Variants in KCNQ1 observed in about 807,000 individuals in gnomAD.
The protein encoded by KCNQ1 is potassium voltage-gated channel subfamily KQT member 1.
A neutral mutation model predicts 72.4 loss-of-function variants in KCNQ1; 49 were observed. The observed-to-expected ratio is 0.68, with a 90% CI of 0.54 to 0.86. KCNQ1 has a LOEUF of 0.86. Ranked by LOEUF, KCNQ1 falls within the 40% of genes least tolerant of loss-of-function variation. KCNQ1 has a pLI of 0.00. For missense variants in KCNQ1, 790 were observed against 945.1 expected (o/e 0.84, Z 2.15); for synonymous variants, 450 against 412.6 (o/e 1.09, Z -1.10).
rs1448035547 is a variant in KCNQ1 at position 2,538,381 on chromosome 11, C to T, written c.477+10363C>T. Among the ~76,000 whole-genome samples, 1 of 151,924 alleles carries T rather than the reference C, an allele frequency of 6.6e-6. No individual in the cohort carries two copies. The highest frequency in any genetic ancestry group is 6.5e-5 in the Admixed American group (1 of 15,278). On this transcript the variant is annotated intron_variant, in intron 2 of 15. Coordinates refer to ENST00000155840, the MANE Select transcript of KCNQ1 (RefSeq NM_000218.3). The surrounding 1 kb of genome is among the most constrained non-coding windows in gnomAD (Gnocchi z 6.7). The stretch of plus-strand genomic sequence containing the variant: ...TTGTGTGGACGAGTTGGAGGGCTCA[C>T]AGGCCCCTCTGTGGGGCCCAGGGCA...
rs1849063837 is a variant in KCNQ1 at position 2,616,342 on chromosome 11, C to A, written c.1393+27488C>A. On this transcript the variant is annotated intron_variant, in intron 10 of 15. Transcript: ENST00000155840. Reference sequence around the variant, plus strand: ...CTTTGATCTTTTCAAAAACAAGCAACTTTTGGTTTTGTTAAATTATCTCTG... The same window carrying A: ...CTTTGATCTTTTCAAAAACAAGCAAATTTTGGTTTTGTTAAATTATCTCTG... 5 of 397,514 alleles carry A rather than the reference C, an allele frequency of 1.3e-5. No individual in the cohort carries two copies. The South Asian group carries it at 6.4e-4, about 51-fold the overall frequency. The allele number at this position is 397,514 out of a possible 1,614,324, so 24.6% of individuals were successfully genotyped here.
intron 1 of KCNQ1, among the ~76,000 whole-genome samples, chr11:2,514,300 G>C (rs1286411483): frequency 6.6e-6 from 1 of 152,234 alleles, no homozygotes; most frequent in Non-Finnish European, 1.5e-5. Context: ...GGTGCCTGTG[G>C]TCCCAGATCC....
chr11:2,684,430 T>C (rs1246675120), intron 11 of KCNQ1: 3 of 398,550 alleles, frequency 7.5e-6, no homozygotes, highest in African/African-American at 2.1e-5. Flanking sequence ...ACCACCTCTT[T>C]CATTTGAAAA....
intron 11 of KCNQ1, among the ~76,000 whole-genome samples, chr11:2,719,816 G>A (rs915859451): frequency 1.3e-5 from 2 of 152,226 alleles, no homozygotes; most frequent in African/African-American, 4.8e-5. Flanking sequence ...GCTGGTTTCA[G>A]AGAAACAAAC....
chr11:2,705,676 G>A (rs1038872743), intron 11 of KCNQ1, among the ~76,000 whole-genome samples: 1 of 152,238 alleles, frequency 6.6e-6, no homozygotes, highest in Non-Finnish European at 1.5e-5. Context: ...CCAGGGAAAA[G>A]TGGGCCCAGG....
rs1379962726 is a variant in KCNQ1 at position 2,593,499 on chromosome 11, T to C, written c.1393+4645T>C. Among the ~76,000 whole-genome samples, 2 of 152,154 alleles carry C rather than the reference T, an allele frequency of 1.3e-5. No individual in the cohort carries two copies. The highest frequency in any genetic ancestry group is 4.8e-5 in the African/African-American group (2 of 41,438). On this transcript the variant is annotated intron_variant, in intron 10 of 15. Transcript: ENST00000155840. This position sits in a 1 kb window ranked among gnomAD's most constrained non-coding sequence, Gnocchi z 6.9. ...ATTCTGAAGGGCTTCTGGGGAGGCG[T>C]CTTCAAAGCTGTGCCTGTGTGTGTC...
At chr11:2,586,197 C>T (rs1179651179) in intron 8 of KCNQ1, among the ~76,000 whole-genome samples, 1 of 152,182 alleles carries the variant, frequency 6.6e-6, no homozygotes, top group African/African-American at 2.4e-5. Context: ...CTGATGTCCC[C>T]CAGGAAGGCC....
chr11:2,740,531 G>A (rs926790224), intron 11 of KCNQ1, among the ~76,000 whole-genome samples: 3 of 152,196 alleles, frequency 2.0e-5, no homozygotes, highest in Non-Finnish European at 4.4e-5. Context: ...AATGTGAGCG[G>A]GTGGACCCAG....
intron 10 of KCNQ1, chr11:2,660,924 G>T (rs1849945059): frequency 7.5e-6 from 3 of 398,626 alleles, no homozygotes; most frequent in Non-Finnish European, 1.3e-5. Flanking sequence ...ATAAGAGCCT[G>T]AATGTCCATG....
chr11:2,461,469 TG>T, intron 1 of KCNQ1: 1 of 1,289,970 alleles, frequency 7.8e-7, no homozygotes, highest in South Asian at 1.2e-5. Flanking sequence ...TTCCATGGCC[TG>T]GGGCTGTGAG....
intron 11 of KCNQ1, among the ~76,000 whole-genome samples, chr11:2,702,756 C>T (rs940019076): frequency 1.3e-5 from 2 of 152,160 alleles, no homozygotes; most frequent in Admixed American, 1.3e-4. Context: ...TGTGTGAGGT[C>T]TCCTTGAGTA....
chr11:2,651,691 G>A lies in KCNQ1; in HGVS notation c.1394-10270G>A, dbSNP rs1849758805. 2.5e-6 allele frequency: 1 copy of A among 398,484 alleles called. No individual in the cohort carries two copies. The highest frequency in any genetic ancestry group is 1.3e-4 in the South Asian group (1 of 7,864). The allele number at this position is 398,484 out of a possible 1,614,324, so 24.7% of individuals were successfully genotyped here. A position where few individuals can be genotyped will look rare whatever the true frequency, so the allele number is the denominator to read the frequency against. On this transcript the variant is annotated intron_variant, in intron 10 of 15. Transcript: ENST00000155840. The surrounding 1 kb of genome is among the most constrained non-coding windows in gnomAD (Gnocchi z 6.1). ...TTAGCCACGTGGCCCTCTGTTTCCTGTAATAGGCCATTTCCTAAGTAAGCA... is the reference window on the plus strand; with the variant it reads ...TTAGCCACGTGGCCCTCTGTTTCCTATAATAGGCCATTTCCTAAGTAAGCA...
At chr11:2,771,513 G>A (rs958905719) in intron 12 of KCNQ1, 1 of 152,250 alleles carries the variant, frequency 6.6e-6, no homozygotes, top group African/African-American at 2.4e-5. Flanking sequence ...GATTTCTACA[G>A]ATATTATGAT....
chr11:2,607,948 CTG>C (rs1848907881), intron 10 of KCNQ1, among the ~76,000 whole-genome samples: 1 of 152,196 alleles, frequency 6.6e-6, no homozygotes, highest in African/African-American at 2.4e-5. Flanking sequence ...TTCCTATACA[CTG>C]TCAAAAACAA....
chr11:2,579,098 G>A lies in KCNQ1; in HGVS notation c.922-4337G>A, dbSNP rs541818749. 2.0e-5 allele frequency among the ~76,000 whole-genome samples: 3 copies of A among 152,276 alleles called. No homozygotes were observed. The highest frequency in any genetic ancestry group is 2.1e-4 in the South Asian group (1 of 4,826). ...TTCCTTCTGGGCAAATGACTACCACGTTTCCAGCCGGGGCCAGTGAGCTCT... is the reference window on the plus strand; with the variant it reads ...TTCCTTCTGGGCAAATGACTACCACATTTCCAGCCGGGGCCAGTGAGCTCT... On this transcript the variant is annotated intron_variant, in intron 6 of 15. Transcript: ENST00000155840. This position sits in a 1 kb window ranked among gnomAD's most constrained non-coding sequence, Gnocchi z 6.0.
intron 2 of KCNQ1, among the ~76,000 whole-genome samples, chr11:2,539,518 G>A (rs915341826): frequency 1.3e-5 from 2 of 152,194 alleles, no homozygotes; most frequent in African/African-American, 4.8e-5. Flanking sequence ...ACTCCACCGC[G>A]GCAGCCTGGG....
At chr11:2,610,513 T>A (rs1848962763) in intron 10 of KCNQ1, 2 of 398,452 alleles carry the variant, frequency 5.0e-6, no homozygotes, top group Non-Finnish European at 8.8e-6. Flanking sequence ...AGAACAGCTT[T>A]GCTCCTATTT....
Position 2,475,583 on chromosome 11 carries a change from C to T in KCNQ1, c.386+30099C>T, listed in dbSNP as rs1335317297. Among the ~76,000 whole-genome samples the T allele has an allele frequency of 6.6e-6, 1 of 152,118 alleles. No individual in the cohort carries two copies. ...CAACCTTCATCTCAAAGAATTAGGG[C>T]AAGGAGGGCGATTCTAAATGGCTGG... On this transcript the variant is annotated intron_variant, in intron 1 of 15. Coordinates refer to ENST00000155840, the MANE Select transcript of KCNQ1 (RefSeq NM_000218.3). The surrounding 1 kb of genome is among the most constrained non-coding windows in gnomAD (Gnocchi z 5.8).
chr11:2,842,998 C>A (rs16928743), intron 15 of KCNQ1, among the ~76,000 whole-genome samples: 1,845 of 152,290 alleles, frequency 0.012, 40 homozygotes, highest in African/African-American at 0.042. Context: ...AGACCCGCTG[C>A]GGCACACACA....
Sources: allele counts gnomAD v4.1 joint callset (sites outside exome capture counted in the v4.1 genomes callset), GRCh38; gene constraint gnomAD v4.1.1; non-coding constraint Gnocchi (gnomAD v3.1); transcripts MANE v1.5; gene names NCBI Gene and HGNC (gene_info 2026-07-23, HGNC 2026-07-21).